Variants in TESC observed in about 807,000 individuals in gnomAD.
TESC encodes tescalcin, also known as calcineurin B homologous protein 3.
Under a neutral mutation model 31.0 loss-of-function variants are expected in TESC, and 19 were observed. The ratio of observed to expected loss-of-function variants is 0.61; its 90% CI spans 0.43 to 0.90. TESC has a LOEUF of 0.90. Ranked by LOEUF, TESC falls within the 40% of genes least tolerant of loss-of-function variation. The pLI is 0.00. For missense variants in TESC, 248 were observed against 303.8 expected (o/e 0.82, Z 1.36); for synonymous variants, 109 against 114.8 (o/e 0.95, Z 0.32).
In TESC at chr12:117,050,659, G is replaced by A. The variant is rs111733834; in HGVS notation, c.210-1501C>T. 5.0e-3 allele frequency among the ~76,000 whole-genome samples: 762 copies of A among 152,356 alleles called. 5 individuals are homozygous for A. The highest frequency in any genetic ancestry group is 0.016 in the African/African-American group (684 of 41,574). On this transcript the variant is annotated intron_variant, in intron 3 of 7. Coordinates refer to ENST00000335209, the MANE Select transcript of TESC (RefSeq NM_017899.4). The stretch of plus-strand genomic sequence containing the variant: ...GTTGTTAATAGCTCGGAGGCCAGGC[G>A]CAATGGCTTACGCCTGTAACCCCTG...
intron 1 of TESC, among the ~76,000 whole-genome samples, chr12:117,094,648 G>C (rs1222379496): frequency 9.2e-5 from 14 of 152,146 alleles, no homozygotes; most frequent in African/African-American, 3.4e-4. Flanking sequence ...AAGGTCGGAT[G>C]GAGAGATGGC....
At position 117,075,331 on chromosome 12, in the gene TESC, T is replaced by A; in HGVS notation, c.68A>T (p.Asp23Val). 6.2e-7 allele frequency: 1 copy of A among 1,609,854 alleles called. No individual in the cohort carries two copies. Among genetic ancestry groups the A allele is most frequent in the African/African-American group, 1.3e-5 (1 of 74,812 alleles). The change falls in exon 2 of 8, where the codon GAT becomes GTT. Residue 23 changes from aspartate (D) to valine (V), a missense_variant. Transcript: ENST00000335209. ...ELEGKTGFSS[D>V]QIEQLHRRFK... ...TCTCCGATGGAGCTGCTCGATCTGA[T>A]CCGATGAGACTGAGAAGTGGGGGAA...
intron 1 of TESC, among the ~76,000 whole-genome samples, chr12:117,082,862 G>C (rs1413919799): frequency 6.6e-6 from 1 of 152,132 alleles, no homozygotes. Context: ...GCAATTTACG[G>C]AGATTACTTG....
At chr12:117,099,133 G>A in intron 1 of TESC, 92 bp downstream of exon 1, 2 of 1,362,640 alleles carry the variant, frequency 1.5e-6, no homozygotes, top group Non-Finnish European at 1.9e-6. Context: ...ACTGGCCCAA[G>A]GTCACACAGC....
intron 1 of TESC, among the ~76,000 whole-genome samples, chr12:117,087,988 T>A (rs963737807): frequency 1.3e-5 from 2 of 152,200 alleles, no homozygotes; most frequent in Non-Finnish European, 2.9e-5. Context: ...AGGGTGGTAA[T>A]CACACCCATT....
Position 117,038,978 on chromosome 12 carries a change from C to A in TESC, c.*155G>T. 3.0e-6 allele frequency: 2 copies of A among 672,432 alleles called. No individual in the cohort carries two copies. The highest frequency in any genetic ancestry group is 5.0e-6 in the Non-Finnish European group (2 of 403,234). The allele number at this position is 672,432 out of a possible 1,614,324, so 41.7% of individuals were successfully genotyped here. A position where few individuals can be genotyped will look rare whatever the true frequency, so the allele number is the denominator to read the frequency against. ...TGGAGATAAAAACAGCGAAGTCCCA[C>A]ATACCATACCCTACAAGACACAAGG... is the stretch of plus-strand genomic sequence containing the variant. On this transcript the variant is annotated 3_prime_UTR_variant, in exon 8 of 8. Transcript: ENST00000335209.
In TESC at chr12:117,039,201, C is replaced by T. The variant is rs774410585; in HGVS notation, c.577G>A (p.Gly193Arg). ...TGCATCTTGGTCTCAATGTCGATCC[C>T]CTGCCAGATCTGGAAGGGACGGAGC... ...TFEDFLKIWQ[G>R]IDIETKMHVR... The change falls in exon 8 of 8, where the codon GGG (glycine) becomes AGG (arginine). Residue 193 changes from glycine to arginine, a missense_variant. Coordinates refer to ENST00000335209, the MANE Select transcript of TESC (RefSeq NM_017899.4). 3.7e-6 allele frequency: 6 copies of T among 1,613,662 alleles called. No individual in the cohort carries two copies. Among genetic ancestry groups the T allele is most frequent in the Non-Finnish European group, 5.1e-6 (6 of 1,179,836 alleles).
rs749966656 is a variant in TESC at position 117,099,328 on chromosome 12, C to T, written c.-46G>A. On this transcript the variant is annotated 5_prime_UTR_variant, in exon 1 of 8. Transcript: ENST00000335209. ...CGGGGCGCGCGTCCCTCTCAGGCCC[C>T]GCACTGGCTTCGGCTGCGCAGCGGC... The T allele has an allele frequency of 1.1e-5, 16 of 1,396,388 alleles. No homozygotes were observed. In the South Asian group the frequency reaches 1.8e-4, roughly 16 times the overall value. The allele number at this position is 1,396,388 out of a possible 1,614,324, so 86.5% of individuals were successfully genotyped here.
At chr12:117,067,009 T>C (rs974679704) in intron 2 of TESC, among the ~76,000 whole-genome samples, 1 of 152,142 alleles carries the variant, frequency 6.6e-6, no homozygotes, top group African/African-American at 2.4e-5. Flanking sequence ...ACTACCCCCT[T>C]GGTGGCTCTC....
At chr12:117,080,837 C>A (rs1955137340) in intron 1 of TESC, among the ~76,000 whole-genome samples, 2 of 152,294 alleles carry the variant, frequency 1.3e-5, no homozygotes, top group South Asian at 4.1e-4. Context: ...TGCATGTCTG[C>A]CTGCATCAGG....
rs185199343 is a variant in TESC, at chr12:117,042,751, C to T, written c.520-757G>A. On this transcript the variant is annotated intron_variant, in intron 6 of 7. Coordinates refer to ENST00000335209, the MANE Select transcript of TESC (RefSeq NM_017899.4). ...CCTCCAAAAACCTCACCCTGCAGCT[C>T]GCTTTGTGACAGCGAAAACCCGCTG... 2.8e-3 allele frequency among the ~76,000 whole-genome samples: 422 copies of T among 152,294 alleles called. 3 individuals are homozygous for T. Among genetic ancestry groups the T allele is most frequent in the Middle Eastern group, 0.01 (3 of 294 alleles).
chr12:117,057,466 G>C (rs1206501046), intron 2 of TESC, among the ~76,000 whole-genome samples: 1 of 152,132 alleles, frequency 6.6e-6, no homozygotes, highest in Non-Finnish European at 1.5e-5. Context: ...AGAGACGTGG[G>C]ATTTGTGTCC....
At chr12:117,091,412 G>T (rs996593767) in intron 1 of TESC, among the ~76,000 whole-genome samples, 8 of 152,202 alleles carry the variant, frequency 5.3e-5, no homozygotes, top group Admixed American at 3.9e-4. Context: ...TTACTGGGCC[G>T]TATGGCATGT....
At chr12:117,057,830 A>G (rs184782213) in intron 2 of TESC, among the ~76,000 whole-genome samples, 19 of 152,276 alleles carry the variant, frequency 1.2e-4, no homozygotes, top group Admixed American at 5.9e-4. Context: ...CAGTGGTGCA[A>G]TCCTGGCTCA....
Position 117,099,390 on chromosome 12 carries a change from C to A in TESC, c.-108G>T, listed in dbSNP as rs919089755. The A allele has an allele frequency of 1.8e-5, 20 of 1,139,638 alleles. No individual in the cohort carries two copies. In the East Asian group the frequency reaches 5.8e-4, roughly 33 times the overall value. 70.6% of individuals were successfully genotyped at this position (1,139,638 alleles called of 1,614,324 possible). A position where few individuals can be genotyped will look rare whatever the true frequency, so the allele number is the denominator to read the frequency against. ...CGGGTCCGGCCTCGGGTCGGGACGC[C>A]GGCGAAGGCTCGGAGCCGCGGGTTC... On this transcript the variant is annotated 5_prime_UTR_variant, in exon 1 of 8. Coordinates refer to ENST00000335209, the MANE Select transcript of TESC (RefSeq NM_017899.4).
chr12:117,041,344 T>A lies in TESC; in HGVS notation c.567+603A>T, dbSNP rs1422849084. On this transcript the variant is annotated intron_variant, in intron 7 of 7. Transcript: ENST00000335209. ...TGTTCCAACTACAACAGGGCCTTTTTTTTTTTGAGATGGGGTCTCACTCTA... is the reference window on the plus strand; with the variant it reads ...TGTTCCAACTACAACAGGGCCTTTTATTTTTTGAGATGGGGTCTCACTCTA... 2.0e-5 allele frequency among the ~76,000 whole-genome samples: 3 copies of A among 152,152 alleles called. No homozygotes were observed. The East Asian group carries it at 5.8e-4, about 29-fold the overall frequency.
At chr12:117,059,629 G>A (rs776304133) in intron 2 of TESC, among the ~76,000 whole-genome samples, 1 of 152,052 alleles carries the variant, frequency 6.6e-6, no homozygotes, top group Non-Finnish European at 1.5e-5. Flanking sequence ...GCACAATCTC[G>A]GCTCAATCTC....
At chr12:117,093,496 C>T (rs1226153854) in intron 1 of TESC, among the ~76,000 whole-genome samples, 3 of 152,338 alleles carry the variant, frequency 2.0e-5, no homozygotes, top group African/African-American at 4.8e-5. Context: ...TGGGCTCAGG[C>T]GAACCCCCTG....
intron 1 of TESC, among the ~76,000 whole-genome samples, chr12:117,092,631 C>T (rs11068328): frequency 0.048 from 7,305 of 152,230 alleles, 245 homozygotes; most frequent in Non-Finnish European, 0.074. Context: ...ACTGGTCCTT[C>T]CCCCTGGTTT....
Sources: allele counts gnomAD v4.1 joint callset (sites outside exome capture counted in the v4.1 genomes callset), GRCh38; gene constraint gnomAD v4.1.1; transcripts MANE v1.5; gene names NCBI Gene and HGNC (gene_info 2026-07-23, HGNC 2026-07-21).